CALN1: variants seen among roughly 807,000 people sequenced by gnomAD.
CALN1 encodes the protein calneuron 1.
CALN1 carries 17 observed loss-of-function variants against 30.6 expected under a neutral mutation model. The ratio of observed to expected loss-of-function variants is 0.56; its 90% CI spans 0.38 to 0.83. The LOEUF (loss-of-function observed/expected upper bound fraction) is 0.83. Ranked by LOEUF, CALN1 falls within the 40% of genes least tolerant of loss-of-function variation. CALN1 has a pLI of 0.00. For missense variants in CALN1, 291 were observed against 354.9 expected, an observed-to-expected ratio of 0.82 and a Z score of 1.45; for synonymous variants, 156 against 131.4, an observed-to-expected ratio of 1.19 and a Z score of -1.28.
rs373563641 is a variant in CALN1 at position 72,005,486 on chromosome 7, GC to G, written c.501+18170del. Among the ~76,000 whole-genome samples, 705 of 152,040 alleles carry G rather than the reference GC, an allele frequency of 4.6e-3. 3 individuals carry two copies. Among genetic ancestry groups the G allele is most frequent in the Middle Eastern group, 0.034 (10 of 294 alleles). ...TGGGACTACAGGCACACACCACCAT[GC>G]CCAGCTAACTTATGCATTTTTTAAA... On this transcript the variant is annotated intron_variant, in intron 5 of 6. Coordinates refer to ENST00000395275, the MANE Select transcript of CALN1 (RefSeq NM_031468.4).
At chr7:71,910,141 C>A (rs566111221) in intron 5 of CALN1, among the ~76,000 whole-genome samples, 1 of 152,188 alleles carries the variant, frequency 6.6e-6, no homozygotes, top group Non-Finnish European at 1.5e-5. Context: ...GGAATTACTA[C>A]AATTCAAGGT....
intron 2 of CALN1, 31 bp from the exon 3 acceptor site, chr7:72,278,841 G>A (rs901397918): frequency 1.9e-6 from 3 of 1,587,742 alleles, no homozygotes; most frequent in African/African-American, 1.3e-5. Flanking sequence ...GAGGGGAAAA[G>A]AAAGACATCA....
upstream of CALN1, among the ~76,000 whole-genome samples, chr7:72,413,785 G>A (rs558051241): frequency 5.0e-4 from 75 of 150,758 alleles, no homozygotes; most frequent in South Asian, 5.1e-3. Flanking sequence ...ACACAGACAC[G>A]CACCACTCGC....
chr7:71,796,811 G>A (rs900010057), intron 6 of CALN1, among the ~76,000 whole-genome samples: 2 of 152,142 alleles, frequency 1.3e-5, no homozygotes, highest in African/African-American at 2.4e-5. Flanking sequence ...GGAATGAAAC[G>A]TGAGTTGAGG....
intron 5 of CALN1, among the ~76,000 whole-genome samples, chr7:71,924,086 G>T (rs1386552444): frequency 6.6e-6 from 1 of 151,718 alleles, no homozygotes; most frequent in Non-Finnish European, 1.5e-5. Flanking sequence ...CCAGCTACTC[G>T]CGGGGCTGAC....
intron 4 of CALN1, among the ~76,000 whole-genome samples, chr7:72,039,169 A>G (rs572929112): frequency 6.6e-6 from 1 of 152,354 alleles, no homozygotes; most frequent in African/African-American, 2.4e-5. Context: ...CAAAAAGTAA[A>G]TAAAATTTAA....
chr7:71,822,920 T>A (rs537824121), intron 5 of CALN1, among the ~76,000 whole-genome samples: 1 of 152,232 alleles, frequency 6.6e-6, no homozygotes, highest in Non-Finnish European at 1.5e-5. Flanking sequence ...GTGATTCCAA[T>A]GCTTACTTCC....
chr7:72,367,646 A>G lies in CALN1; in HGVS notation c.119+35605T>C, dbSNP rs570117766. ...TCTCTACAAATAAAAATAAAAATAA[A>G]AATTAGCCAGGTCTCTACAAATAAA... On this transcript the variant is annotated intron_variant, in intron 2 of 6. Transcript: ENST00000395275. Among the ~76,000 whole-genome samples the G allele has an allele frequency of 2.6e-5, 4 of 152,150 alleles. No homozygotes were observed. In the East Asian group the frequency reaches 7.7e-4, roughly 29 times the overall value.
At chr7:72,410,767 A>C (rs1287876605) in intron 1 of CALN1, among the ~76,000 whole-genome samples, 1 of 152,172 alleles carries the variant, frequency 6.6e-6, no homozygotes, top group African/African-American at 2.4e-5. Flanking sequence ...GAACATAAAT[A>C]CACACACCTC....
intron 3 of CALN1, among the ~76,000 whole-genome samples, chr7:72,205,551 A>ATATATATACATATATATAT (rs1554319582): frequency 6.0e-5 from 5 of 83,042 alleles, no homozygotes; most frequent in East Asian, 8.7e-4. Flanking sequence ...GCAAAAAAAA[A>ATATATATACATATATATAT]ATATATATAT....
intron 1 of CALN1, among the ~76,000 whole-genome samples, chr7:72,411,803 G>GCAA (rs1807172727): frequency 7.0e-6 from 1 of 143,440 alleles, no homozygotes; most frequent in African/African-American, 2.9e-5. Context: ...CTCTTTTAAA[G>GCAA]TAATAAGAAA....
intron 2 of CALN1, among the ~76,000 whole-genome samples, chr7:72,280,706 A>G (rs1284858055): frequency 2.0e-5 from 3 of 152,194 alleles, no homozygotes; most frequent in Non-Finnish European, 2.9e-5. Context: ...ATGTCTCCCC[A>G]AAATTTTGTG....
At chr7:72,364,679 T>C (rs1473764776) in intron 2 of CALN1, among the ~76,000 whole-genome samples, 1 of 152,202 alleles carries the variant, frequency 6.6e-6, no homozygotes, top group Non-Finnish European at 1.5e-5. Flanking sequence ...GTATTTCAAA[T>C]TAGAAAAGAA....
At chr7:72,353,536 T>C (rs1803059555) in intron 2 of CALN1, among the ~76,000 whole-genome samples, 1 of 152,104 alleles carries the variant, frequency 6.6e-6, no homozygotes, top group African/African-American at 2.4e-5. Context: ...CTATTCTCCA[T>C]GAAAACTTAG....
chr7:72,350,235 A>G (rs1293015277), intron 2 of CALN1, among the ~76,000 whole-genome samples: 2 of 152,230 alleles, frequency 1.3e-5, no homozygotes, highest in African/African-American at 4.8e-5. Flanking sequence ...GAGATTACTC[A>G]AAGAACTCAG....
intron 5 of CALN1, among the ~76,000 whole-genome samples, chr7:71,821,122 A>G (rs954146726): frequency 6.6e-6 from 1 of 152,144 alleles, no homozygotes; most frequent in Non-Finnish European, 1.5e-5. Context: ...CAGGTTAATG[A>G]CACAGATTTA....
intron 5 of CALN1, among the ~76,000 whole-genome samples, chr7:71,942,677 T>C (rs190641853): frequency 6.6e-6 from 1 of 152,280 alleles, no homozygotes. Flanking sequence ...CATCAACTAG[T>C]GATATCTTTA....
intron 3 of CALN1, among the ~76,000 whole-genome samples, chr7:72,257,027 AT>A (rs1301961350): frequency 6.6e-6 from 1 of 152,202 alleles, no homozygotes; most frequent in Non-Finnish European, 1.5e-5. Context: ...TATAAAGAAA[AT>A]AGGTTTAATT....
At position 72,121,427 on chromosome 7, in the gene CALN1, TATC is replaced by T. The variant is rs536815960; in HGVS notation, c.245-15136_245-15134del. On this transcript the variant is annotated intron_variant, in intron 3 of 6. Coordinates refer to ENST00000395275, the MANE Select transcript of CALN1 (RefSeq NM_031468.4). ...TAATATGTACTATGTATAATATAGATATCATGTTATATAATTATATATAGTATA... is the reference window on the plus strand; with the variant it reads ...TAATATGTACTATGTATAATATAGATATGTTATATAATTATATATAGTATA... 2.8e-3 allele frequency among the ~76,000 whole-genome samples: 416 copies of T among 146,766 alleles called. 3 individuals carry two copies. Among genetic ancestry groups the T allele is most frequent in the African/African-American group, 8.7e-3 (352 of 40,496 alleles).
Sources: gnomAD v4.1 joint callset for allele counts (sites outside exome capture counted in the v4.1 genomes callset) on GRCh38, gnomAD v4.1.1 for gene constraint, MANE v1.5 for transcripts, NCBI Gene and HGNC (gene_info 2026-07-23, HGNC 2026-07-21) for gene names.